IKBKB: variants seen among roughly 807,000 people sequenced by gnomAD.
IKBKB encodes the protein inhibitor of nuclear factor kappa-B kinase subunit beta.
IKBKB carries 42 observed loss-of-function variants against 113.6 expected under a neutral mutation model. The observed-to-expected ratio is 0.37, with a 90% CI of 0.29 to 0.48. IKBKB has a LOEUF of 0.48. Ranked by LOEUF, IKBKB falls within the 20% of genes least tolerant of loss-of-function variation. The pLI is 0.99. For missense variants in IKBKB, 673 were observed against 939.7 expected (o/e 0.72, Z 3.71); for synonymous variants, 296 against 361.3 (o/e 0.82, Z 2.05).
chr8:42,307,514 A>G (rs1173054332), intron 7 of IKBKB, among the ~76,000 whole-genome samples: 1 of 152,186 alleles, frequency 6.6e-6, no homozygotes, highest in African/African-American at 2.4e-5. Context: ...GAAGATGTAG[A>G]GGGCAATTAG....
chr8:42,313,730 AC>A (rs1216867373), intron 8 of IKBKB, among the ~76,000 whole-genome samples: 4 of 152,224 alleles, frequency 2.6e-5, no homozygotes, highest in Non-Finnish European at 5.9e-5. Context: ...AGGCAGTGGT[AC>A]TATCTGCAGA....
At chr8:42,281,316 C>T (rs945998439) in intron 2 of IKBKB, among the ~76,000 whole-genome samples, 1 of 152,176 alleles carries the variant, frequency 6.6e-6, no homozygotes, top group Non-Finnish European at 1.5e-5. Context: ...TCGTTTATTC[C>T]CGGCTCCCTG....
chr8:42,305,166 A>T, intron 5 of IKBKB, 21 bp from the exon 6 acceptor site: 1 of 1,581,538 alleles, frequency 6.3e-7, no homozygotes, highest in Non-Finnish European at 8.7e-7. Context: ...CCTAAGAAAA[A>T]CTCACCCCCC....
rs761085543 is a variant in IKBKB, at chr8:42,325,963, C to A, written c.1987-7C>A. Reference sequence around the variant, plus strand: ...GGCTCCTAATTTCTTTTGATTTTGTCCCCTAGAGCAAGGTCCGTGGTCCTG... The same window carrying A: ...GGCTCCTAATTTCTTTTGATTTTGTACCCTAGAGCAAGGTCCGTGGTCCTG... On this transcript the variant is annotated splice_polypyrimidine_tract_variant and splice_region_variant and intron_variant, in intron 19 of 21. Coordinates refer to ENST00000520810, the MANE Select transcript of IKBKB (RefSeq NM_001556.3). The A allele has an allele frequency of 6.2e-7, 1 of 1,613,670 alleles. No homozygotes were observed.
At chr8:42,309,235 A>G (rs1035724716) in intron 8 of IKBKB, among the ~76,000 whole-genome samples, 1 of 152,194 alleles carries the variant, frequency 6.6e-6, no homozygotes. Flanking sequence ...TTAAGTCTTC[A>G]TGTGGATTCT....
intron 3 of IKBKB, 38 bp downstream of exon 3, chr8:42,288,766 G>T (rs1367683992): frequency 5.3e-6 from 8 of 1,504,634 alleles, no homozygotes; most frequent in Non-Finnish European, 6.4e-6. Context: ...GGGAAAGCTG[G>T]AGCAGCAGCC....
intron 2 of IKBKB, among the ~76,000 whole-genome samples, chr8:42,281,263 G>C (rs80313154): frequency 0.03 from 4,535 of 152,266 alleles, 89 homozygotes; most frequent in Non-Finnish European, 0.042. Flanking sequence ...CAGGTGGGCA[G>C]AGCAGCATCT....
chr8:42,306,642 C>T (rs77601230), intron 7 of IKBKB, among the ~76,000 whole-genome samples: 80 of 152,328 alleles, frequency 5.3e-4, no homozygotes, highest in African/African-American at 1.9e-3. Flanking sequence ...CTCTGATGTC[C>T]GGAGGGCTCT....
At chr8:42,325,543 G>T (rs1444472825) in intron 19 of IKBKB, 2 of 606,264 alleles carry the variant, frequency 3.3e-6, no homozygotes, top group South Asian at 6.4e-5. Context: ...GCTGGGTGTA[G>T]TGGCACACAC....
chr8:42,286,792 T>G (rs1341397959), intron 2 of IKBKB, among the ~76,000 whole-genome samples: 1 of 152,202 alleles, frequency 6.6e-6, no homozygotes, highest in Non-Finnish European at 1.5e-5. Flanking sequence ...GAAATTGGCC[T>G]AACAGGGCCT....
chr8:42,280,231 G>T (rs530114215), intron 2 of IKBKB, among the ~76,000 whole-genome samples: 3 of 152,106 alleles, frequency 2.0e-5, no homozygotes, highest in Non-Finnish European at 4.4e-5. Context: ...TCCCAGGGAG[G>T]GAGGGCAGTG....
At chr8:42,287,699 C>T (rs1057178359) in intron 2 of IKBKB, among the ~76,000 whole-genome samples, 1 of 152,208 alleles carries the variant, frequency 6.6e-6, no homozygotes, top group African/African-American at 2.4e-5. Context: ...GTCAGTATTC[C>T]CATTTTACAG....
intron 5 of IKBKB, among the ~76,000 whole-genome samples, chr8:42,303,147 TGAGA>T (rs968601948): frequency 3.9e-5 from 3 of 76,472 alleles, no homozygotes; most frequent in Non-Finnish European, 9.1e-5. Context: ...GGAGAGAGAA[TGAGA>T]GAGAGAATGA....
In IKBKB at chr8:42,330,988, G is replaced by T. The variant is rs751151171; in HGVS notation, c.*9G>T. ...TGGAGCAGGCCTCATGATGTGGGGG[G>T]ACTCGACCCCCTGACATGGGGCAGC... On this transcript the variant is annotated 3_prime_UTR_variant, in exon 22 of 22. Coordinates refer to ENST00000520810, the MANE Select transcript of IKBKB (RefSeq NM_001556.3). 6.2e-7 allele frequency: 1 copy of T among 1,613,528 alleles called. No individual in the cohort carries two copies. The highest frequency in any genetic ancestry group is 8.5e-7 in the Non-Finnish European group (1 of 1,179,872).
chr8:42,307,255 C>A (rs1401993678), intron 7 of IKBKB, among the ~76,000 whole-genome samples: 1 of 152,140 alleles, frequency 6.6e-6, no homozygotes, highest in Non-Finnish European at 1.5e-5. Context: ...GGAAGACCTG[C>A]AGGTGTGGCT....
chr8:42,296,933 G>T (rs1052750723), intron 5 of IKBKB, among the ~76,000 whole-genome samples: 2 of 152,250 alleles, frequency 1.3e-5, no homozygotes. Flanking sequence ...AGAATGTGCA[G>T]TCAGCAAGTG....
Position 42,272,091 on chromosome 8 carries a change from C to A in IKBKB, c.-10C>A. ...TCCCAAATTGCTTATAGAGTTAGCA[C>A]GACATCAGTATGAGCTGGTCACCTT... On this transcript the variant is annotated 5_prime_UTR_variant, in exon 2 of 22. Coordinates refer to ENST00000520810, the MANE Select transcript of IKBKB (RefSeq NM_001556.3). The A allele has an allele frequency of 1.2e-6, 2 of 1,613,364 alleles. No homozygotes were observed. Among genetic ancestry groups the A allele is most frequent in the Non-Finnish European group, 1.7e-6 (2 of 1,179,642 alleles).
At chr8:42,273,513 A>G (rs1808271167) in intron 2 of IKBKB, among the ~76,000 whole-genome samples, 1 of 152,012 alleles carries the variant, frequency 6.6e-6, no homozygotes, top group Non-Finnish European at 1.5e-5. Context: ...AAGCAGATCC[A>G]CATGAAAGTG....
chr8:42,284,061 C>T (rs902748502), intron 2 of IKBKB, among the ~76,000 whole-genome samples: 1 of 152,210 alleles, frequency 6.6e-6, no homozygotes, highest in African/African-American at 2.4e-5. Context: ...AGGCAAGTGT[C>T]TGTAGCAGTG....
Sources: allele counts gnomAD v4.1 joint callset (sites outside exome capture counted in the v4.1 genomes callset), GRCh38; gene constraint gnomAD v4.1.1; transcripts MANE v1.5; gene names NCBI Gene and HGNC (gene_info 2026-07-23, HGNC 2026-07-21).